The following ERCC8 variants were observed in gnomAD, a reference collection of about 807,000 sequenced individuals.
The protein encoded by ERCC8 is ERCC excision repair 8, CSA ubiquitin ligase complex subunit.
In ERCC8, 52 loss-of-function variants were observed where a neutral mutation model predicts 54.9. The observed-to-expected ratio is 0.95, with a 90% CI of 0.76 to 1.19. ERCC8 has a LOEUF of 1.19. Ranked by LOEUF, ERCC8 falls within the 50% of genes most tolerant of loss-of-function variation. The pLI is 0.00. For missense variants in ERCC8, 514 were observed against 466.1 expected, an observed-to-expected ratio of 1.10 and a Z score of -0.95; for synonymous variants, 146 against 157.2, an observed-to-expected ratio of 0.93 and a Z score of 0.53.
intron 1 of ERCC8, among the ~76,000 whole-genome samples, chr5:60,932,609 G>GTGCC (rs1193532717): frequency 6.6e-6 from 1 of 152,234 alleles, no homozygotes; most frequent in African/African-American, 2.4e-5. Context: ...TTGGAAGCCT[G>GTGCC]TGCCTGGTTT....
In ERCC8 at chr5:60,944,337, G is replaced by A. The variant is rs138078636; in HGVS notation, c.77+595C>T. Among the ~76,000 whole-genome samples the A allele has an allele frequency of 5.0e-4, 76 of 152,222 alleles. No individual in the cohort carries two copies. In the East Asian group the frequency reaches 0.012, roughly 23 times the overall value. ...AACTTGGCTCCCACTCTTGTTCTCA[G>A]TTGCAACCCATTCTCCAAGCAGAAA... On this transcript the variant is annotated intron_variant, in intron 1 of 11. Transcript: ENST00000676185.
intron 1 of ERCC8, among the ~76,000 whole-genome samples, chr5:60,936,663 T>C (rs1186905839): frequency 6.6e-6 from 1 of 152,238 alleles, no homozygotes; most frequent in Non-Finnish European, 1.5e-5. Context: ...TTTAATGATA[T>C]GAACTTTCAT....
chr5:60,917,328 G>A (rs1350616977), intron 4 of ERCC8, among the ~76,000 whole-genome samples: 1 of 152,062 alleles, frequency 6.6e-6, no homozygotes, highest in Admixed American at 6.6e-5. Context: ...GATCAGTTTA[G>A]TTGCAGCAAA....
intron 4 of ERCC8, among the ~76,000 whole-genome samples, chr5:60,916,687 A>C (rs903135205): frequency 6.6e-6 from 1 of 152,064 alleles, no homozygotes; most frequent in Non-Finnish European, 1.5e-5. Context: ...GGTCAAAAAA[A>C]CACATCTATT....
At position 60,872,410 on chromosome 5, in the gene ERCC8, G is replaced by A. The variant is rs1417605483; in HGVS notation, c.*2205C>T. ...AAAATATTAACTATAGATCTGATAG[G>A]GGGTTAATATCCAAAATACATAAGG... On this transcript the variant is annotated 3_prime_UTR_variant, in exon 12 of 12. Transcript: ENST00000676185. 6.6e-6 allele frequency among the ~76,000 whole-genome samples: 1 copy of A among 152,044 alleles called. No homozygotes were observed. Among genetic ancestry groups the A allele is most frequent in the Non-Finnish European group, 1.5e-5 (1 of 68,006 alleles).
intron 5 of ERCC8, among the ~76,000 whole-genome samples, chr5:60,904,358 T>C (rs1482536485): frequency 1.3e-5 from 2 of 151,854 alleles, no homozygotes; most frequent in Non-Finnish European, 2.9e-5. Flanking sequence ...TATATGAAGA[T>C]GTTTGTTGCA....
chr5:60,866,667 C>T lies in ERCC8; in HGVS notation c.*7948G>A, dbSNP rs998423633. ...GTGTTCACTCAGTATTAAGACAATT[C>T]ATAAAACTTTTATAATGACACTCTA... On this transcript the variant is annotated 3_prime_UTR_variant, in exon 12 of 12. Coordinates refer to ENST00000676185, the MANE Select transcript of ERCC8 (RefSeq NM_000082.4). 1.3e-5 allele frequency: 2 copies of T among 152,130 alleles called. No individual in the cohort carries two copies. Among genetic ancestry groups the T allele is most frequent in the Non-Finnish European group, 1.5e-5 (1 of 68,018 alleles). The allele number at this position is 152,130 out of a possible 1,614,324, so 9.4% of individuals were successfully genotyped here.
chr5:60,880,317 C>T (rs561702668), intron 11 of ERCC8, among the ~76,000 whole-genome samples: 11 of 152,246 alleles, frequency 7.2e-5, no homozygotes, highest in South Asian at 4.1e-4. Context: ...TTCATTTCAG[C>T]TTTAGTGAAT....
chr5:60,900,956 T>G (rs541514660), intron 7 of ERCC8: 1 of 152,122 alleles, frequency 6.6e-6, no homozygotes, highest in East Asian at 1.9e-4. Flanking sequence ...ATTCTAGACC[T>G]TGCTGCACTT....
intron 11 of ERCC8, among the ~76,000 whole-genome samples, chr5:60,886,458 T>C (rs1045727980): frequency 6.6e-6 from 1 of 152,026 alleles, no homozygotes; most frequent in Non-Finnish European, 1.5e-5. Flanking sequence ...TCCCAGCACT[T>C]TGGGAGGCCA....
chr5:60,930,952 C>CA (rs1023383257), intron 1 of ERCC8, among the ~76,000 whole-genome samples: 3 of 151,706 alleles, frequency 2.0e-5, no homozygotes, highest in East Asian at 1.9e-4. Flanking sequence ...ACTAAAAATA[C>CA]AAAAAAATTA....
chr5:60,879,861 T>G (rs2112460611), intron 11 of ERCC8, among the ~76,000 whole-genome samples: 1 of 152,372 alleles, frequency 6.6e-6, no homozygotes, highest in Admixed American at 6.5e-5. Flanking sequence ...GTTAGCCCAT[T>G]TACATTTAAG....
intron 11 of ERCC8, among the ~76,000 whole-genome samples, chr5:60,887,224 T>C (rs1008635711): frequency 6.6e-6 from 1 of 152,142 alleles, no homozygotes; most frequent in African/African-American, 2.4e-5. Context: ...TGCTTTTTTG[T>C]TGTTGTTGTT....
At position 60,899,718 on chromosome 5, in the gene ERCC8, A is replaced by G. The variant is rs547750449; in HGVS notation, c.627T>C (p.Ser209=). Reference sequence around the variant, plus strand: ...TTCTCACATCCCATAATTTTACTCTACTGTCAGCACTGAGAAGAAATAAAT... The same window carrying G: ...TTCTCACATCCCATAATTTTACTCTGCTGTCAGCACTGAGAAGAAATAAAT... ...DYILATASAD[S]RVKLWDVRRA... is the part of the protein sequence containing the mutation. Residue 209 remains serine, a synonymous_variant, in exon 8 of 12, where the codon AGT becomes AGC. Transcript: ENST00000676185. 1.1e-5 allele frequency: 18 copies of G among 1,607,810 alleles called. No homozygotes were observed. The Admixed American group carries it at 2.7e-4, about 24-fold the overall frequency.
At chr5:60,881,300 C>T (rs920255758) in intron 11 of ERCC8, among the ~76,000 whole-genome samples, 71 of 152,176 alleles carry the variant, frequency 4.7e-4, no homozygotes, top group African/African-American at 1.6e-3. Flanking sequence ...TTAGGCTACT[C>T]GGCATCAGGG....
At chr5:60,927,306 T>C (rs902546399) in intron 2 of ERCC8, among the ~76,000 whole-genome samples, 1 of 152,220 alleles carries the variant, frequency 6.6e-6, no homozygotes, top group African/African-American at 2.4e-5. Flanking sequence ...ACAAGTTATA[T>C]ACACATCGAT....
chr5:60,937,143 C>A (rs1426699523), intron 1 of ERCC8, among the ~76,000 whole-genome samples: 2 of 152,216 alleles, frequency 1.3e-5, no homozygotes, highest in African/African-American at 4.8e-5. Flanking sequence ...TCAGGTCTCT[C>A]AGCCGTGGAT....
chr5:60,931,685 T>G (rs1471982006), intron 1 of ERCC8, among the ~76,000 whole-genome samples: 1 of 152,220 alleles, frequency 6.6e-6, no homozygotes, highest in Non-Finnish European at 1.5e-5. Context: ...TCAAAACTTT[T>G]TTTTTCATAT....
intron 5 of ERCC8, 52 bp downstream of exon 5, chr5:60,904,740 A>G (rs1288545478): frequency 1.2e-5 from 13 of 1,103,570 alleles, no homozygotes; most frequent in Non-Finnish European, 1.6e-5. Flanking sequence ...CTACATATAA[A>G]AAGGGAGAAA....
Sources: gnomAD v4.1 joint callset for allele counts (sites outside exome capture counted in the v4.1 genomes callset) on GRCh38, gnomAD v4.1.1 for gene constraint, MANE v1.5 for transcripts, NCBI Gene and HGNC (gene_info 2026-07-23, HGNC 2026-07-21) for gene names.